ZNF385D: variants seen among roughly 807,000 people sequenced by gnomAD.
The protein encoded by ZNF385D is zinc finger protein 659.
Under a neutral mutation model 35.8 loss-of-function variants are expected in ZNF385D, and 15 were observed. The ratio of observed to expected loss-of-function variants is 0.42; its 90% CI spans 0.28 to 0.64. ZNF385D has a LOEUF of 0.64. ZNF385D is among the 30% of genes least tolerant of loss of function. ZNF385D has a pLI of 0.23. For missense variants in ZNF385D, 474 were observed against 494.6 expected (o/e 0.96, Z 0.39); for synonymous variants, 212 against 186.8 (o/e 1.13, Z -1.10).
At chr3:21,613,503 T>A (rs1419437293) in intron 2 of ZNF385D, among the ~76,000 whole-genome samples, 1 of 152,104 alleles carries the variant, frequency 6.6e-6, no homozygotes, top group Admixed American at 6.5e-5. Flanking sequence ...ACAAGCTTCA[T>A]CAGTTTCACA....
At chr3:22,220,075 T>G (rs1698159823) in intron 2 of ZNF385D, among the ~76,000 whole-genome samples, 2 of 151,916 alleles carry the variant, frequency 1.3e-5, no homozygotes, top group African/African-American at 2.4e-5. Flanking sequence ...TTTTTTTTCT[T>G]TTTTTGAGAC....
chr3:21,812,256 G>C (rs1259253606), intron 3 of ZNF385D, among the ~76,000 whole-genome samples: 1 of 152,232 alleles, frequency 6.6e-6, no homozygotes, highest in South Asian at 2.1e-4. Flanking sequence ...AATAGGAACA[G>C]CTCCAGTCTA....
chr3:22,370,423 C>A (rs1363582193), intron 2 of ZNF385D, among the ~76,000 whole-genome samples: 2 of 152,030 alleles, frequency 1.3e-5, no homozygotes, highest in African/African-American at 2.4e-5. Context: ...AGCTGGCAGT[C>A]CGAATTATAT....
intron 2 of ZNF385D, among the ~76,000 whole-genome samples, chr3:22,333,545 C>T (rs1000093308): frequency 5.3e-5 from 8 of 152,014 alleles, no homozygotes; most frequent in African/African-American, 1.9e-4. Context: ...CTGTTGTCAT[C>T]TTTACTTTGA....
intron 3 of ZNF385D, among the ~76,000 whole-genome samples, chr3:21,867,904 T>C (rs1472006495): frequency 6.6e-6 from 1 of 152,172 alleles, no homozygotes; most frequent in Non-Finnish European, 1.5e-5. Flanking sequence ...AACTGAACTT[T>C]ATATTTTGTT....
chr3:22,336,927 A>AAAAAC (rs1695193128), intron 2 of ZNF385D, among the ~76,000 whole-genome samples: 1 of 146,866 alleles, frequency 6.8e-6, no homozygotes, highest in African/African-American at 2.5e-5. Context: ...AAAAAAAAAA[A>AAAAAC]AAAAAAAAAA....
chr3:21,856,165 G>T (rs896933113), intron 3 of ZNF385D, among the ~76,000 whole-genome samples: 1 of 151,960 alleles, frequency 6.6e-6, no homozygotes, highest in Non-Finnish European at 1.5e-5. Flanking sequence ...TTCACATGAG[G>T]TATTTTATAG....
chr3:22,234,382 T>C (rs550588843), intron 2 of ZNF385D, among the ~76,000 whole-genome samples: 1 of 152,242 alleles, frequency 6.6e-6, no homozygotes, highest in East Asian at 1.9e-4. Flanking sequence ...CTAGAGTCTT[T>C]GGCAATCTCT....
At chr3:22,084,107 A>G (rs1576290222) in intron 3 of ZNF385D, among the ~76,000 whole-genome samples, 3 of 152,218 alleles carry the variant, frequency 2.0e-5, no homozygotes, top group Non-Finnish European at 2.9e-5. Context: ...AGGAACAACC[A>G]GTACCAGCCA....
At chr3:21,872,583 T>G (rs1697749289) in intron 3 of ZNF385D, among the ~76,000 whole-genome samples, 1 of 152,152 alleles carries the variant, frequency 6.6e-6, no homozygotes, top group South Asian at 2.1e-4. Flanking sequence ...TATATCACTC[T>G]TGTACACTTC....
chr3:21,784,973 G>T (rs1487815805), intron 3 of ZNF385D, among the ~76,000 whole-genome samples: 1 of 151,782 alleles, frequency 6.6e-6, no homozygotes, highest in Non-Finnish European at 1.5e-5. Context: ...TGTTTTTGGT[G>T]ACCCCTTAAA....
intron 4 of ZNF385D, among the ~76,000 whole-genome samples, chr3:21,456,592 G>C (rs897578602): frequency 2.0e-5 from 3 of 152,044 alleles, no homozygotes; most frequent in Admixed American, 6.6e-5. Context: ...GTTGTGGGGT[G>C]GGGGGAGTAA....
chr3:21,597,593 TA>T (rs879552541), intron 2 of ZNF385D, among the ~76,000 whole-genome samples: 1 of 151,620 alleles, frequency 6.6e-6, no homozygotes, highest in Non-Finnish European at 1.5e-5. Context: ...GGTAGGACCA[TA>T]AAAAAAATGG....
chr3:21,845,954 A>C (rs895857661), intron 3 of ZNF385D, among the ~76,000 whole-genome samples: 3 of 152,042 alleles, frequency 2.0e-5, no homozygotes, highest in Admixed American at 1.3e-4. Context: ...GTAGCTTTAC[A>C]CAATATGTAA....
intron 7 of ZNF385D, among the ~76,000 whole-genome samples, chr3:21,422,241 G>C (rs959532652): frequency 1.3e-5 from 2 of 152,232 alleles, no homozygotes; most frequent in African/African-American, 4.8e-5. Context: ...AGCTGCATCT[G>C]TGCTGGACAG....
At chr3:22,157,347 T>A (rs1423485907) in intron 3 of ZNF385D, among the ~76,000 whole-genome samples, 3 of 152,118 alleles carry the variant, frequency 2.0e-5, no homozygotes. Flanking sequence ...TACTCATCAT[T>A]TATATTTTTG....
At chr3:22,344,177 G>GGTGT (rs571896117) in intron 2 of ZNF385D, among the ~76,000 whole-genome samples, 3,817 of 140,796 alleles carry the variant, frequency 0.027, 93 homozygotes, top group African/African-American at 0.067. Context: ...GGTGGGGTGG[G>GGTGT]GTGTGTGTGT....
At chr3:21,770,724 C>A (rs897280496) in intron 3 of ZNF385D, among the ~76,000 whole-genome samples, 1 of 152,124 alleles carries the variant, frequency 6.6e-6, no homozygotes, top group Non-Finnish European at 1.5e-5. Flanking sequence ...TTTGACCCAG[C>A]CATCCCATTA....
chr3:22,014,064 T>C (rs751249920), intron 3 of ZNF385D, among the ~76,000 whole-genome samples: 1 of 151,980 alleles, frequency 6.6e-6, no homozygotes, highest in Non-Finnish European at 1.5e-5. Context: ...TGGGAAGAAA[T>C]CTTTGAGGAA....
Sources: gnomAD v4.1 joint callset for allele counts (sites outside exome capture counted in the v4.1 genomes callset) on GRCh38, gnomAD v4.1.1 for gene constraint, MANE v1.5 for transcripts, NCBI Gene and HGNC (gene_info 2026-07-23, HGNC 2026-07-21) for gene names.